CFAP46: variants seen among roughly 807,000 people sequenced by gnomAD.
The protein encoded by CFAP46 is cilia- and flagella-associated protein 46.
Under a neutral mutation model 325.7 loss-of-function variants are expected in CFAP46, and 245 were observed. That is an observed-to-expected ratio of 0.75 (90% CI 0.68 to 0.84). CFAP46 has a LOEUF of 0.84. Ranked by LOEUF, CFAP46 falls within the 40% of genes least tolerant of loss-of-function variation. The probability of loss-of-function intolerance (pLI) is 0.00; values close to 1 mark genes in which losing one functional copy is unlikely to be tolerated. For synonymous variants in CFAP46, 1,523 were observed against 1,495.9 expected (o/e 1.02, Z -0.42); for missense variants, 3,346 against 3,543.0 (o/e 0.94, Z 1.41).
At position 132,808,713 on chromosome 10, in the gene CFAP46, G is replaced by A; in HGVS notation, c.7856C>T (p.Thr2619Ile). 1.3e-6 allele frequency: 2 copies of A among 1,569,032 alleles called. No homozygotes were observed. Among genetic ancestry groups the A allele is most frequent in the Non-Finnish European group, 1.7e-6 (2 of 1,157,254 alleles). The change falls in exon 58 of 58, where the codon ACC becomes ATC. Residue 2619 changes from threonine (T) to isoleucine (I), a missense_variant. Thr to Ile is a moderately conservative substitution (Grantham distance 89, BLOSUM62 -1). Transcript: ENST00000368586. The surrounding 1 kb of genome is among the most constrained non-coding windows in gnomAD (Gnocchi z 6.8). ...GATGGGAGCCGGGAGGTGGGGATGG[G>A]TTGGCAGAGGGGCAGAGCCAAGGGC... ...ASALGSAPLPTHPHLPAPIPS... is the reference protein window; with the variant it reads ...ASALGSAPLPIHPHLPAPIPS...
Position 132,865,328 on chromosome 10 carries a change from A to G in CFAP46, c.4890+697T>C, listed in dbSNP as rs542980724. Among the ~76,000 whole-genome samples the G allele has an allele frequency of 5.4e-4, 82 of 152,222 alleles. No individual in the cohort carries two copies. In the South Asian group the frequency reaches 8.5e-3, roughly 16 times the overall value. On this transcript the variant is annotated intron_variant, in intron 35 of 57. Coordinates refer to ENST00000368586, the MANE Select transcript of CFAP46 (RefSeq NM_001200049.3). ...TGGGGGAGTGCAGGCGCCCAGGGTG[A>G]GGAGAGGAGGCTGCAGCTGGGGCTT...
chr10:132,909,942 G>A lies in CFAP46; in HGVS notation c.2626C>T (p.Pro876Ser). The A allele has an allele frequency of 6.6e-7, 1 of 1,517,344 alleles. No individual in the cohort carries two copies. 94.0% of individuals were successfully genotyped at this position (1,517,344 alleles called of 1,614,324 possible). Residue 876 changes from proline to serine, a missense_variant, in exon 20 of 58, where the codon CCA (proline) becomes TCA (serine). By Grantham distance (74) the Pro-to-Ser change is moderately conservative (BLOSUM62 -1). Transcript: ENST00000368586. The stretch of plus-strand genomic sequence containing the variant: ...ACCTGCTCCTCGGTGCCCAGCCGTG[G>A]CCCAATCTGCTGCTGCAGCAGCTGC... ...AKQLLQQQIG[P>S]RLGTEEQGTN...
chr10:132,835,940 TC>T (rs1343150644), intron 46 of CFAP46, among the ~76,000 whole-genome samples: 2 of 50,798 alleles, frequency 3.9e-5, no homozygotes, highest in African/African-American at 1.6e-4. Context: ...CTGCCCCTGC[TC>T]CCCCCTCCCC....
At chr10:132,839,004 C>T (rs993690984) in intron 44 of CFAP46, among the ~76,000 whole-genome samples, 1 of 152,228 alleles carries the variant, frequency 6.6e-6, no homozygotes, top group Non-Finnish European at 1.5e-5. Flanking sequence ...ATTGGCCACA[C>T]GAATCTCTGC....
At position 132,894,168 on chromosome 10, in the gene CFAP46, A is replaced by C. The variant is rs59967743; in HGVS notation, c.3220-1751T>G. ...GACTCAAATATATCTGCTGCTAAGA[A>C]TTTGGCTCTATCTAGTTACAGATAT... On this transcript the variant is annotated intron_variant, in intron 24 of 57. Transcript: ENST00000368586. 2.5e-3 allele frequency among the ~76,000 whole-genome samples: 386 copies of C among 152,390 alleles called. 2 individuals are homozygous for C. Among genetic ancestry groups the C allele is most frequent in the African/African-American group, 8.8e-3 (367 of 41,594 alleles).
At chr10:132,834,267 G>T (rs3793690) in intron 48 of CFAP46, 144 bp from the exon 49 acceptor site, 289,205 of 752,110 alleles carry the variant, frequency 0.38, 58,796 homozygotes, top group Admixed American at 0.55. Context: ...TCCCACTGAG[G>T]TGGGGCCGGG....
At chr10:132,810,113 GTCAACGAGGA>G (rs1847547951) in intron 57 of CFAP46, among the ~76,000 whole-genome samples, 2 of 152,234 alleles carry the variant, frequency 1.3e-5, no homozygotes, top group South Asian at 4.1e-4. Context: ...GACTGGAGCT[GTCAACGAGGA>G]ACCGTGATGC....
rs1848517779 is a variant in CFAP46 at position 132,850,395 on chromosome 10, G to A, written c.5801C>T (p.Ala1934Val). 1 of 1,579,556 alleles carries A rather than the reference G, an allele frequency of 6.3e-7. No homozygotes were observed. The highest frequency in any genetic ancestry group is 1.8e-5 in the Admixed American group (1 of 56,084). ...CTGCAGGCTCCCCAGCTGTGCCAGT[G>A]CCCCGTGTGCTAGAGTCCGCTTCAG... ...FTLKRTLAHG[A>V]LAQLGSLQPL... The change falls in exon 41 of 58, where the codon GCA (alanine) becomes GTA (valine). Residue 1934 changes from alanine (A) to valine (V), a missense_variant. Ala to Val is a moderately conservative substitution (Grantham distance 64). Coordinates refer to ENST00000368586, the MANE Select transcript of CFAP46 (RefSeq NM_001200049.3).
chr10:132,811,277 G>T (rs1227790987), intron 55 of CFAP46, among the ~76,000 whole-genome samples: 1 of 152,238 alleles, frequency 6.6e-6, no homozygotes, highest in Non-Finnish European at 1.5e-5. Flanking sequence ...CCGGGCAACA[G>T]GAAGTGGTGG....
chr10:132,849,280 G>A lies in CFAP46; in HGVS notation c.5952+964C>T, dbSNP rs946292897. On this transcript the variant is annotated intron_variant, in intron 41 of 57. Transcript: ENST00000368586. ...GGAGGCTGGTTGCATGCAGAGCCTC[G>A]ATTCCATCAATTCACTCGAGGTACA... 4.6e-5 allele frequency among the ~76,000 whole-genome samples: 7 copies of A among 152,318 alleles called. No homozygotes were observed. In the East Asian group the frequency reaches 7.7e-4, roughly 17 times the overall value.
At position 132,817,376 on chromosome 10, in the gene CFAP46, C is replaced by T. The variant is rs540690177; in HGVS notation, c.7118-2462G>A. On this transcript the variant is annotated intron_variant, in intron 50 of 57. Transcript: ENST00000368586. This position sits in a 1 kb window ranked among gnomAD's most constrained non-coding sequence, Gnocchi z 4.4. ...GGGCGTGCTTCCTGCAAAGGGCATGCGGCTGGCACCTCTTATCTCCTGTGT... is the reference window on the plus strand; with the variant it reads ...GGGCGTGCTTCCTGCAAAGGGCATGTGGCTGGCACCTCTTATCTCCTGTGT... 9.8e-5 allele frequency among the ~76,000 whole-genome samples: 15 copies of T among 152,296 alleles called. No individual in the cohort carries two copies. In the East Asian group the frequency reaches 2.1e-3, roughly 22 times the overall value.
chr10:132,861,199 T>G (rs1169506470), intron 35 of CFAP46, among the ~76,000 whole-genome samples: 2 of 152,206 alleles, frequency 1.3e-5, no homozygotes, highest in African/African-American at 4.8e-5. Flanking sequence ...GCTGCCCGGC[T>G]CCTGCCCCAC....
At chr10:132,878,486 G>A (rs534470421) in intron 29 of CFAP46, among the ~76,000 whole-genome samples, 78 of 152,286 alleles carry the variant, frequency 5.1e-4, no homozygotes, top group Admixed American at 7.2e-4. Context: ...CAGGCCCTGC[G>A]GGCCCCTCGC....
At chr10:132,824,129 CTG>C (rs1847972106) in intron 50 of CFAP46, among the ~76,000 whole-genome samples, 2 of 115,354 alleles carry the variant, frequency 1.7e-5, no homozygotes, top group South Asian at 3.2e-4. Flanking sequence ...CTGATGTGTG[CTG>C]TGTGTGTGCT....
At position 132,877,002 on chromosome 10, in the gene CFAP46, G is replaced by A. The variant is rs1486568707; in HGVS notation, c.4213-41C>T. ...TACAGGATTTACCTGAAACGGTGGA[G>A]GTGAAACAGCAGACACCCCCGGCCC... is the stretch of plus-strand genomic sequence containing the variant. On this transcript the variant is annotated intron_variant, in intron 30 of 57. Transcript: ENST00000368586. The surrounding 1 kb of genome is among the most constrained non-coding windows in gnomAD (Gnocchi z 5.7). The A allele has an allele frequency of 3.3e-6, 5 of 1,537,376 alleles. No individual in the cohort carries two copies. Among genetic ancestry groups the A allele is most frequent in the East Asian group, 2.5e-5 (1 of 40,798 alleles).
At chr10:132,938,911 G>C (rs1478645855) in intron 4 of CFAP46, among the ~76,000 whole-genome samples, 158 bp from the exon 5 acceptor site, 3 of 152,188 alleles carry the variant, frequency 2.0e-5, no homozygotes, top group African/African-American at 7.2e-5. Context: ...CTTTGGCCCA[G>C]CCTGCAGGAG....
chr10:132,888,619 C>A (rs1329416610), intron 25 of CFAP46, among the ~76,000 whole-genome samples: 1 of 126,608 alleles, frequency 7.9e-6, no homozygotes, highest in Non-Finnish European at 1.8e-5. Flanking sequence ...TCACCCCTGC[C>A]GCCTTCACCC....
intron 19 of CFAP46, among the ~76,000 whole-genome samples, chr10:132,912,364 C>CT (rs1554883944): frequency 7.0e-6 from 1 of 142,390 alleles, no homozygotes; most frequent in South Asian, 2.3e-4. Flanking sequence ...TCTCTTTCTC[C>CT]TCTCTTCTCT....
In CFAP46 at chr10:132,814,151, C is replaced by T. The variant is rs770205981; in HGVS notation, c.7388+1G>A. The T allele has an allele frequency of 8.1e-6, 13 of 1,612,816 alleles. No homozygotes were observed. The highest frequency in any genetic ancestry group is 1.7e-5 in the Admixed American group (1 of 60,016). On this transcript the variant is annotated splice_donor_variant, in intron 54 of 57. Transcript: ENST00000368586. LOFTEE classifies it high-confidence loss of function. The stretch of plus-strand genomic sequence containing the variant: ...CGGCTCCTGGGAGCCCAGATCCGAA[C>T]CTGGGAAAGTGCTTGCTTCCCAGAT...
Sources: gnomAD v4.1 joint callset for allele counts (sites outside exome capture counted in the v4.1 genomes callset) on GRCh38, gnomAD v4.1.1 for gene constraint, Gnocchi (gnomAD v3.1) non-coding constraint, MANE v1.5 for transcripts, NCBI Gene and HGNC (gene_info 2026-07-23, HGNC 2026-07-21) for gene names.